GPC5: variants seen among roughly 807,000 people sequenced by gnomAD.
GPC5 encodes glypican-5.
In GPC5, 47 loss-of-function variants were observed where a neutral mutation model predicts 53.9. The ratio of observed to expected loss-of-function variants is 0.87; its 90% CI spans 0.69 to 1.11. The LOEUF (loss-of-function observed/expected upper bound fraction) is 1.11, where lower values mean the gene tolerates loss of function less well. Ranked by LOEUF, GPC5 falls within the 50% of genes most tolerant of loss-of-function variation. The pLI, the probability that GPC5 is intolerant of heterozygous loss-of-function variation, is 0.00. For synonymous variants in GPC5, 286 were observed against 263.3 expected (o/e 1.09, Z -0.84); for missense variants, 748 against 713.1 (o/e 1.05, Z -0.56).
chr13:91,829,847 G>A (rs2038628614), intron 5 of GPC5, among the ~76,000 whole-genome samples: 1 of 152,004 alleles, frequency 6.6e-6, no homozygotes, highest in South Asian at 2.1e-4. Flanking sequence ...GTACGAATAG[G>A]GTGTGGGTCA....
chr13:92,208,434 T>A (rs779778429), intron 7 of GPC5, among the ~76,000 whole-genome samples: 20 of 152,250 alleles, frequency 1.3e-4, no homozygotes, highest in Non-Finnish European at 2.6e-4. Flanking sequence ...TAAGTTTGTT[T>A]ATTTTTACCT....
intron 5 of GPC5, among the ~76,000 whole-genome samples, chr13:91,845,168 AT>A (rs2038833895): frequency 6.6e-6 from 1 of 151,268 alleles, no homozygotes; most frequent in Non-Finnish European, 1.5e-5. Context: ...AATGCCTTTA[AT>A]TTTTGAACAC....
At chr13:92,203,900 A>G (rs751590640) in intron 7 of GPC5, among the ~76,000 whole-genome samples, 2 of 151,984 alleles carry the variant, frequency 1.3e-5, no homozygotes, top group Non-Finnish European at 2.9e-5. Context: ...CCAGAAATAA[A>G]AAGCCTCTTC....
intron 7 of GPC5, among the ~76,000 whole-genome samples, chr13:92,352,322 C>G (rs905451669): frequency 2.6e-5 from 4 of 152,208 alleles, no homozygotes; most frequent in East Asian, 3.9e-4. Context: ...CTATTAGACT[C>G]AAGTAATACG....
intron 5 of GPC5, among the ~76,000 whole-genome samples, chr13:91,832,431 C>A (rs2038672951): frequency 6.6e-6 from 1 of 151,292 alleles, no homozygotes; most frequent in African/African-American, 2.4e-5. Context: ...CTTGACTATC[C>A]AATTTGCCAG....
At chr13:92,566,822 C>G (rs1882878438) in intron 7 of GPC5, among the ~76,000 whole-genome samples, 1 of 151,846 alleles carries the variant, frequency 6.6e-6, no homozygotes, top group South Asian at 2.1e-4. Flanking sequence ...TAGCATAATG[C>G]CAAAAAATGT....
intron 7 of GPC5, among the ~76,000 whole-genome samples, chr13:92,633,144 C>T (rs778698360): frequency 1.3e-4 from 20 of 152,132 alleles, no homozygotes; most frequent in Admixed American, 1.2e-3. Context: ...CCACCCGCCT[C>T]GGCCTCCCAA....
chr13:91,643,190 G>T (rs1487946859), intron 2 of GPC5, among the ~76,000 whole-genome samples: 1 of 152,166 alleles, frequency 6.6e-6, no homozygotes, highest in South Asian at 2.1e-4. Flanking sequence ...GTACATTATA[G>T]GGTGGAGCAA....
intron 2 of GPC5, among the ~76,000 whole-genome samples, chr13:91,471,316 A>T (rs1285897313): frequency 1.3e-5 from 2 of 151,622 alleles, no homozygotes; most frequent in African/African-American, 4.8e-5. Context: ...ATTTGGAGAT[A>T]ATGTTTCTCT....
chr13:92,174,554 A>AAAC (rs200566599), intron 7 of GPC5, among the ~76,000 whole-genome samples: 1 of 151,544 alleles, frequency 6.6e-6, no homozygotes, highest in South Asian at 2.1e-4. Context: ...AAAAAAACAA[A>AAAC]AACAACAACA....
chr13:91,519,452 T>G (rs7317657), intron 2 of GPC5, among the ~76,000 whole-genome samples: 139,288 of 152,048 alleles, frequency 0.92, 64,971 homozygotes, highest in Non-Finnish European at 1. Flanking sequence ...CTTTCCTCTT[T>G]CTGTTCTCAT....
intron 1 of GPC5, among the ~76,000 whole-genome samples, chr13:91,427,927 A>G (rs2139010523): frequency 6.6e-6 from 1 of 152,184 alleles, no homozygotes; most frequent in Middle Eastern, 3.4e-3. Context: ...GAGCTGACAC[A>G]CAGAGTCTCT....
At chr13:91,827,935 A>T (rs1427097037) in intron 5 of GPC5, among the ~76,000 whole-genome samples, 1 of 152,068 alleles carries the variant, frequency 6.6e-6, no homozygotes, top group African/African-American at 2.4e-5. Context: ...TGTAAAATGG[A>T]AATATCCATC....
intron 7 of GPC5, among the ~76,000 whole-genome samples, chr13:92,781,698 A>G (rs1019585830): frequency 1.3e-5 from 2 of 152,208 alleles, no homozygotes; most frequent in African/African-American, 4.8e-5. Context: ...GATGCATAAA[A>G]TAAATAAGGG....
chr13:91,462,904 T>A, intron 2 of GPC5, among the ~76,000 whole-genome samples: 1 of 152,116 alleles, frequency 6.6e-6, no homozygotes, highest in East Asian at 1.9e-4. Flanking sequence ...TTCTACTCAA[T>A]ATATTTAGTA....
chr13:92,113,712 A>G (rs1216984907), intron 6 of GPC5, among the ~76,000 whole-genome samples: 1 of 152,108 alleles, frequency 6.6e-6, no homozygotes, highest in Non-Finnish European at 1.5e-5. Context: ...ACTCTAAAAT[A>G]TAACTCCTGG....
chr13:91,533,647 A>C (rs901863922), intron 2 of GPC5, among the ~76,000 whole-genome samples: 1 of 152,238 alleles, frequency 6.6e-6, no homozygotes, highest in Admixed American at 6.5e-5. Context: ...GGAGCATTAA[A>C]AAAGGGTGCT....
At chr13:92,061,029 C>T (rs1174746823) in intron 6 of GPC5, among the ~76,000 whole-genome samples, 1 of 151,946 alleles carries the variant, frequency 6.6e-6, no homozygotes, top group Non-Finnish European at 1.5e-5. Context: ...CAGTTCCTCC[C>T]CAGGAATTAC....
intron 7 of GPC5, among the ~76,000 whole-genome samples, chr13:92,834,212 T>C (rs1878147103): frequency 6.6e-6 from 1 of 152,214 alleles, no homozygotes; most frequent in Admixed American, 6.5e-5. Flanking sequence ...ACACAATACC[T>C]AATTCATGAA....
Sources: allele counts gnomAD v4.1 joint callset (sites outside exome capture counted in the v4.1 genomes callset), GRCh38; gene constraint gnomAD v4.1.1; transcripts MANE v1.5; gene names NCBI Gene and HGNC (gene_info 2026-07-23, HGNC 2026-07-21).